Variants in PRKG1 observed in about 807,000 individuals in gnomAD.
The protein encoded by PRKG1 is protein kinase cGMP-dependent 1.
In PRKG1, 35 loss-of-function variants were observed where a neutral mutation model predicts 88.1. The ratio of observed to expected loss-of-function variants is 0.40; its 90% confidence interval spans 0.30 to 0.53. The LOEUF is 0.53. Among genes scored for constraint, PRKG1 ranks in the 20% least tolerant of loss-of-function variants. PRKG1 has a pLI of 0.59. For synonymous variants in PRKG1, 303 were observed against 292.5 expected (o/e 1.04, Z -0.37); for missense variants, 540 against 839.8 (o/e 0.64, Z 4.41).
intron 4 of PRKG1, among the ~76,000 whole-genome samples, chr10:51,867,007 G>T (rs1434014036): frequency 2.6e-5 from 4 of 152,110 alleles, no homozygotes; most frequent in African/African-American, 9.7e-5. Context: ...CAACTCTAGA[G>T]ATTTTATTGA....
chr10:51,276,446 G>A (rs549834375), intron 2 of PRKG1, among the ~76,000 whole-genome samples: 26 of 152,286 alleles, frequency 1.7e-4, no homozygotes, highest in African/African-American at 6.3e-4. Context: ...TGTCTTTATA[G>A]CAGCATGACT....
intron 2 of PRKG1, among the ~76,000 whole-genome samples, chr10:51,370,944 T>C (rs933943539): frequency 6.6e-5 from 10 of 152,138 alleles, no homozygotes; most frequent in African/African-American, 2.2e-4. Context: ...TTGAGATCCT[T>C]CTTAATTTGT....
At chr10:51,458,771 C>T (rs2132791220) in intron 2 of PRKG1, among the ~76,000 whole-genome samples, 1 of 152,248 alleles carries the variant, frequency 6.6e-6, no homozygotes, top group African/African-American at 2.4e-5. Context: ...GTTGACAGTA[C>T]AGTTGTCCCT....
chr10:51,893,762 T>C (rs1285074100), intron 4 of PRKG1, among the ~76,000 whole-genome samples: 1 of 152,188 alleles, frequency 6.6e-6, no homozygotes, highest in Non-Finnish European at 1.5e-5. Flanking sequence ...CTAAGTTTTA[T>C]TGTTTTAATT....
At chr10:51,028,577 C>G (rs953281073) in intron 1 of PRKG1, among the ~76,000 whole-genome samples, 1 of 30,408 alleles carries the variant, frequency 3.3e-5, no homozygotes, top group Non-Finnish European at 5.8e-5. Context: ...GGAAGAGAAG[C>G]CAGGAAAAAA....
chr10:51,651,142 A>G (rs1034290861), intron 3 of PRKG1, among the ~76,000 whole-genome samples: 3 of 152,140 alleles, frequency 2.0e-5, no homozygotes, highest in African/African-American at 7.2e-5. Context: ...TCAATACTAT[A>G]CTGATTATAC....
intron 2 of PRKG1, among the ~76,000 whole-genome samples, chr10:51,459,034 C>T (rs186173238): frequency 7.6e-4 from 115 of 152,126 alleles, no homozygotes; most frequent in African/African-American, 2.7e-3. Context: ...TGTGAAATGA[C>T]CTTAAGATAC....
At chr10:51,766,196 C>A (rs985147401) in intron 3 of PRKG1, among the ~76,000 whole-genome samples, 1 of 151,828 alleles carries the variant, frequency 6.6e-6, no homozygotes, top group Non-Finnish European at 1.5e-5. Flanking sequence ...AGAGGAGGCC[C>A]AAAAGAGGGT....
intron 2 of PRKG1, among the ~76,000 whole-genome samples, chr10:51,229,859 C>T (rs1315113134): frequency 1.4e-5 from 2 of 139,052 alleles, no homozygotes; most frequent in Non-Finnish European, 3.0e-5. Flanking sequence ...CCCAGGAAGT[C>T]GAGGCTGCAG....
chr10:51,507,832 C>T (rs1841270742), intron 3 of PRKG1, among the ~76,000 whole-genome samples: 1 of 152,136 alleles, frequency 6.6e-6, no homozygotes, highest in Non-Finnish European at 1.5e-5. Context: ...CCATTAAATG[C>T]TTTTGACAGT....
intron 5 of PRKG1, among the ~76,000 whole-genome samples, chr10:51,947,005 G>A (rs551260012): frequency 6.6e-6 from 1 of 152,176 alleles, no homozygotes; most frequent in Admixed American, 6.5e-5. Flanking sequence ...GTCAGACAGG[G>A]ACATTTAAGT....
chr10:51,719,236 C>A (rs1841958117), intron 3 of PRKG1, among the ~76,000 whole-genome samples: 1 of 152,046 alleles, frequency 6.6e-6, no homozygotes, highest in South Asian at 2.1e-4. Context: ...ATTCCTTGCC[C>A]TTTGAGTGTG....
chr10:51,038,101 G>A (rs1589118197), intron 1 of PRKG1, among the ~76,000 whole-genome samples: 1 of 152,158 alleles, frequency 6.6e-6, no homozygotes, highest in Admixed American at 6.6e-5. Context: ...AAATGTTCAG[G>A]CCTGTTTCTG....
chr10:52,221,118 T>C (rs1413566438), intron 9 of PRKG1, among the ~76,000 whole-genome samples: 9 of 152,140 alleles, frequency 5.9e-5, no homozygotes, highest in Admixed American at 5.9e-4. Flanking sequence ...TATCTCATTG[T>C]GGTTATGATT....
At chr10:51,009,156 T>G (rs964746946) in intron 1 of PRKG1, among the ~76,000 whole-genome samples, 5 of 152,202 alleles carry the variant, frequency 3.3e-5, no homozygotes, top group African/African-American at 1.2e-4. Context: ...TATGCTATAA[T>G]TTCAATGCCT....
intron 2 of PRKG1, among the ~76,000 whole-genome samples, chr10:51,295,516 CA>C (rs920982770): frequency 2.3e-4 from 35 of 152,078 alleles, no homozygotes; most frequent in African/African-American, 8.2e-4. Flanking sequence ...TTAGTTCTAA[CA>C]TTTTTTTTCT....
chr10:51,293,381 T>A (rs1354734672), intron 2 of PRKG1, among the ~76,000 whole-genome samples: 1 of 152,154 alleles, frequency 6.6e-6, no homozygotes, highest in Non-Finnish European at 1.5e-5. Context: ...CATTTCCCCC[T>A]GTTAACCAGC....
At chr10:51,373,149 G>C (rs1842738065) in intron 2 of PRKG1, among the ~76,000 whole-genome samples, 2 of 152,074 alleles carry the variant, frequency 1.3e-5, no homozygotes, top group East Asian at 1.9e-4. Context: ...GTTTAAAATA[G>C]AGATTCTAGA....
rs535753790 is a variant in PRKG1, at chr10:51,451,794, G to A, written c.479-15929G>A. ...TTGCATGACTTAAAGATAATTTGAC[G>A]TTCTTTGAAAGTGAGGTTAGGAAGT... is the stretch of plus-strand genomic sequence containing the variant. On this transcript the variant is annotated intron_variant, in intron 2 of 17. Coordinates refer to ENST00000373980, the MANE Select transcript of PRKG1 (RefSeq NM_006258.4). Among the ~76,000 whole-genome samples, 4 of 151,984 alleles carry A rather than the reference G, an allele frequency of 2.6e-5. No individual in the cohort carries two copies. The East Asian group carries it at 5.8e-4, about 22-fold the overall frequency.
Sources: allele counts gnomAD v4.1 joint callset (sites outside exome capture counted in the v4.1 genomes callset), GRCh38; gene constraint gnomAD v4.1.1; transcripts MANE v1.5; gene names NCBI Gene and HGNC (gene_info 2026-07-23, HGNC 2026-07-21).